Variants in NHS observed in about 807,000 individuals in gnomAD.
NHS encodes NHS actin remodeling regulator, also known as actin remodeling regulator NHS.
NHS carries 5 observed loss-of-function variants against 72.5 expected under a neutral mutation model. That is an observed-to-expected ratio of 0.07 (90% CI 0.04 to 0.14). NHS has a LOEUF of 0.14. Ranked by LOEUF, NHS falls within the 10% of genes least tolerant of loss-of-function variation. The pLI is 1.00. For missense variants in NHS, 1,072 were observed against 1,355.7 expected (o/e 0.79, Z 3.29); for synonymous variants, 464 against 547.7 (o/e 0.85, Z 2.13).
chrX:17,408,603 C>T (rs1189387724), intron 1 of NHS, among the ~76,000 whole-genome samples: 1 of 111,417 alleles, frequency 9.0e-6, no homozygotes, highest in Non-Finnish European at 1.9e-5. Context: ...TCAAATCCCT[C>T]CTTCCAACTT....
rs141307163 is a variant in NHS at position 17,619,959 on chromosome X, G to A, written c.566-67783G>A. Among the ~76,000 whole-genome samples, 342 of 111,267 alleles carry A rather than the reference G, an allele frequency of 3.1e-3. 9 individuals carry two copies. The highest frequency in any genetic ancestry group is 0.011 in the African/African-American group (323 of 30,415). On this transcript the variant is annotated intron_variant, in intron 1 of 8. Transcript: ENST00000676302. ...AGACCATATGTCTCAGAGGGTAGGG[G>A]CCATTTAAACTTGGCTCAGTGTTGT...
chrX:17,409,390 T>TA (rs1163058756), intron 1 of NHS, among the ~76,000 whole-genome samples: 4 of 102,795 alleles, frequency 3.9e-5, no homozygotes, highest in South Asian at 8.2e-4. Flanking sequence ...TTTTTTTTTT[T>TA]AAATTACTAT....
At chrX:17,409,184 C>T (rs1226448085) in intron 1 of NHS, among the ~76,000 whole-genome samples, 1 of 112,095 alleles carries the variant, frequency 8.9e-6, no homozygotes, top group Non-Finnish European at 1.9e-5. Flanking sequence ...ACTTGTTGCC[C>T]ACTGTAACAT....
intron 1 of NHS, among the ~76,000 whole-genome samples, chrX:17,480,888 T>TATAC (rs2064943292): frequency 9.0e-6 from 1 of 111,354 alleles, no homozygotes; most frequent in Non-Finnish European, 1.9e-5. Context: ...TTATAATATA[T>TATAC]ATACTCTAAC....
chrX:17,576,426 T>A (rs1353432193), intron 1 of NHS, among the ~76,000 whole-genome samples: 1 of 111,823 alleles, frequency 8.9e-6, no homozygotes, highest in Non-Finnish European at 1.9e-5. Context: ...TCACATTTTT[T>A]CTCATCACCC....
intron 1 of NHS, among the ~76,000 whole-genome samples, chrX:17,496,230 C>T (rs1024112223): frequency 1.8e-4 from 20 of 110,746 alleles, no homozygotes; most frequent in African/African-American, 6.3e-4. Context: ...GGGGAACAGG[C>T]CCAGGGCAGC....
At chrX:17,389,954 A>G (rs1256926300) in intron 1 of NHS, among the ~76,000 whole-genome samples, 1 of 109,418 alleles carries the variant, frequency 9.1e-6, no homozygotes, top group Non-Finnish European at 1.9e-5. Flanking sequence ...AAAAAAATGA[A>G]AAAAAAAAAA....
intron 1 of NHS, among the ~76,000 whole-genome samples, chrX:17,456,731 G>A (rs2064827318): frequency 8.9e-6 from 1 of 111,922 alleles, no homozygotes; most frequent in Non-Finnish European, 1.9e-5. Flanking sequence ...CCAAAAGGGC[G>A]ACAAGTAGGC....
chrX:17,539,444 G>A (rs1239246722), intron 1 of NHS, among the ~76,000 whole-genome samples: 1 of 110,361 alleles, frequency 9.1e-6, no homozygotes, highest in Non-Finnish European at 1.9e-5. Context: ...TGGGGTCAGA[G>A]ACCTGTGTCT....
intron 1 of NHS, among the ~76,000 whole-genome samples, chrX:17,641,482 C>T (rs1323188402): frequency 8.9e-6 from 1 of 111,927 alleles, no homozygotes. Context: ...CATTTCTCTC[C>T]CCTTGGTCCA....
chrX:17,667,878 G>A (rs2066022052), intron 1 of NHS, among the ~76,000 whole-genome samples: 1 of 110,279 alleles, frequency 9.1e-6, no homozygotes, highest in African/African-American at 3.3e-5. Context: ...GCGGGGTCAT[G>A]GACAGTCTCC....
At chrX:17,473,628 A>G (rs148532299) in intron 1 of NHS, among the ~76,000 whole-genome samples, 1,382 of 112,469 alleles carry the variant, frequency 0.012, 12 homozygotes, top group Middle Eastern at 0.028. Context: ...TAGATCAAGT[A>G]ATTCTGATGA....
At chrX:17,399,180 C>T (rs759387696) in intron 1 of NHS, among the ~76,000 whole-genome samples, 119 of 109,915 alleles carry the variant, frequency 1.1e-3, no homozygotes, top group African/African-American at 3.3e-3. Flanking sequence ...CAGCTTACTG[C>T]GACCTCCACC....
chrX:17,491,433 C>T (rs185887024), intron 1 of NHS, among the ~76,000 whole-genome samples: 2 of 111,649 alleles, frequency 1.8e-5, no homozygotes, highest in Non-Finnish European at 3.8e-5. Flanking sequence ...TATTGATTTG[C>T]GTATGTTGAA....
At chrX:17,522,036 A>G (rs1212127647) in intron 1 of NHS, among the ~76,000 whole-genome samples, 1 of 112,488 alleles carries the variant, frequency 8.9e-6, no homozygotes, top group Non-Finnish European at 1.9e-5. Flanking sequence ...GTCAAAGTCA[A>G]GATACCTTGC....
chrX:17,709,300 C>T (rs962376531), intron 3 of NHS, among the ~76,000 whole-genome samples: 81 of 111,704 alleles, frequency 7.3e-4, no homozygotes, highest in African/African-American at 2.5e-3. Context: ...TCAAGGCTCA[C>T]CAGAAGCAGT....
At chrX:17,472,311 AAG>A (rs762453516) in intron 1 of NHS, among the ~76,000 whole-genome samples, 3 of 109,017 alleles carry the variant, frequency 2.8e-5, no homozygotes, top group East Asian at 2.9e-4. Context: ...TAGATACTGA[AAG>A]AGAGAGAGAG....
intron 3 of NHS, among the ~76,000 whole-genome samples, chrX:17,712,551 T>G (rs964037272): frequency 1.9e-5 from 2 of 107,344 alleles, no homozygotes; most frequent in African/African-American, 6.8e-5. Context: ...TGCTTTTTTG[T>G]GTTTTAAATA....
intron 3 of NHS, among the ~76,000 whole-genome samples, chrX:17,705,167 C>T (rs1018578623): frequency 6.3e-5 from 7 of 111,839 alleles, no homozygotes; most frequent in Non-Finnish European, 1.3e-4. Context: ...CAAAGGCAGG[C>T]TTGTGTTGAC....
Sources: gnomAD v4.1 joint callset for allele counts (sites outside exome capture counted in the v4.1 genomes callset) on GRCh38, gnomAD v4.1.1 for gene constraint, MANE v1.5 for transcripts, NCBI Gene and HGNC (gene_info 2026-07-23, HGNC 2026-07-21) for gene names.